The following ICA1L variants were observed in gnomAD, a reference collection of about 807,000 sequenced individuals.
ICA1L encodes islet cell autoantigen 1 like.
A neutral mutation model predicts 61.3 loss-of-function variants in ICA1L; 50 were observed. The ratio of observed to expected loss-of-function variants is 0.82; its 90% CI spans 0.65 to 1.03. ICA1L has a LOEUF of 1.03. ICA1L is among the 50% of genes least tolerant of loss of function. The pLI is 0.00. For missense variants in ICA1L, 508 were observed against 556.7 expected (o/e 0.91, Z 0.88); for synonymous variants, 161 against 191.3 (o/e 0.84, Z 1.31).
chr2:202,867,349 T>C (rs12999324), intron 1 of ICA1L, among the ~76,000 whole-genome samples: 55 of 152,300 alleles, frequency 3.6e-4, no homozygotes, highest in African/African-American at 8.2e-4. Context: ...AATGTACTTA[T>C]ACAAACCTAG....
At chr2:202,829,731 G>T (rs1472068896) in intron 1 of ICA1L, among the ~76,000 whole-genome samples, 1 of 152,134 alleles carries the variant, frequency 6.6e-6, no homozygotes, top group Admixed American at 6.5e-5. Flanking sequence ...ATTTTAGTTA[G>T]ATGACAAACG....
intron 1 of ICA1L, among the ~76,000 whole-genome samples, chr2:202,842,506 C>T (rs972821771): frequency 6.6e-6 from 1 of 152,178 alleles, no homozygotes; most frequent in Non-Finnish European, 1.5e-5. Context: ...GTAGGTTTCT[C>T]CTGAGAATCC....
intron 1 of ICA1L, among the ~76,000 whole-genome samples, chr2:202,850,120 A>G (rs1206267032): frequency 6.6e-6 from 1 of 152,192 alleles, no homozygotes; most frequent in African/African-American, 2.4e-5. Context: ...GGACCCCCAT[A>G]CAAAAACCCC....
At chr2:202,802,656 TCTAAA>T (rs1296874118) in intron 9 of ICA1L, among the ~76,000 whole-genome samples, 5 of 151,322 alleles carry the variant, frequency 3.3e-5, no homozygotes, top group Admixed American at 3.3e-4. Context: ...AAAAAAAGTA[TCTAAA>T]CTAAAGGAGG....
intron 1 of ICA1L, among the ~76,000 whole-genome samples, chr2:202,863,044 C>T (rs1694964274): frequency 6.6e-6 from 1 of 151,924 alleles, no homozygotes; most frequent in Admixed American, 6.6e-5. Context: ...GTAATCCCAA[C>T]ACTTTGGGAG....
intron 9 of ICA1L, among the ~76,000 whole-genome samples, 198 bp from the exon 10 acceptor site, chr2:202,797,162 G>GTGTGTGTGTA (rs1374435872): frequency 1.4e-5 from 2 of 146,276 alleles, no homozygotes; most frequent in East Asian, 2.1e-4. Flanking sequence ...GTGTGTGTGT[G>GTGTGTGTGTA]TATATGTATA....
At chr2:202,805,270 TTAA>T (rs1473180894) in intron 9 of ICA1L, among the ~76,000 whole-genome samples, 1 of 152,136 alleles carries the variant, frequency 6.6e-6, no homozygotes, top group Non-Finnish European at 1.5e-5. Flanking sequence ...CTAAAATTGA[TTAA>T]TGGAAATGGT....
At chr2:202,787,600 A>T (rs759110329) in intron 11 of ICA1L, among the ~76,000 whole-genome samples, 6 of 152,238 alleles carry the variant, frequency 3.9e-5, no homozygotes, top group Non-Finnish European at 7.3e-5. Flanking sequence ...AATTGAGCTA[A>T]CAACATGCTG....
chr2:202,817,072 T>A (rs929573477), intron 6 of ICA1L, among the ~76,000 whole-genome samples: 30 of 152,204 alleles, frequency 2.0e-4, no homozygotes, highest in African/African-American at 7.0e-4. Context: ...GAATCTTTGC[T>A]TCAGATGAAA....
chr2:202,857,424 T>C (rs1374204744), intron 1 of ICA1L, among the ~76,000 whole-genome samples: 1 of 152,142 alleles, frequency 6.6e-6, no homozygotes, highest in African/African-American at 2.4e-5. Flanking sequence ...GCTAACCATA[T>C]GCAGAAAACA....
At position 202,777,044 on chromosome 2, in the gene ICA1L, C is replaced by CTTTTTTTTTTTTTTTTTTT. The variant is rs562230381; in HGVS notation, c.*2470_*2488dup. 4.4e-5 allele frequency: 3 copies of CTTTTTTTTTTTTTTTTTTT among 68,586 alleles called. No homozygotes were observed. Among genetic ancestry groups the CTTTTTTTTTTTTTTTTTTT allele is most frequent in the African/African-American group, 2.0e-4 (3 of 15,268 alleles). 4.2% of individuals were successfully genotyped at this position (68,586 alleles called of 1,614,324 possible). A position where few individuals can be genotyped will look rare whatever the true frequency, so the allele number is the denominator to read the frequency against. On this transcript the variant is annotated 3_prime_UTR_variant, in exon 13 of 13. Coordinates refer to ENST00000358299, the MANE Select transcript of ICA1L (RefSeq NM_001288622.3). ...ACAAACTCTCAAGACATAAAGTTAG[C>CTTTTTTTTTTTTTTTTTTT]TTTTTTTTTTTTTTTTTTTTTTTTT...
intron 11 of ICA1L, 43 bp downstream of exon 11, chr2:202,788,787 A>C (rs781562124): frequency 8.7e-6 from 14 of 1,605,228 alleles, no homozygotes; most frequent in Non-Finnish European, 1.2e-5. Flanking sequence ...CTTCACAAAG[A>C]TAAAGTAAAG....
intron 1 of ICA1L, among the ~76,000 whole-genome samples, chr2:202,861,332 G>C (rs535073666): frequency 2.7e-5 from 4 of 147,802 alleles, no homozygotes; most frequent in Non-Finnish European, 4.4e-5. Context: ...TTGAACCTGG[G>C]AGGCAGAGGT....
intron 1 of ICA1L, among the ~76,000 whole-genome samples, chr2:202,829,385 C>A (rs961764976): frequency 1.1e-4 from 17 of 151,664 alleles, no homozygotes; most frequent in South Asian, 6.3e-4. Flanking sequence ...ACAAAAAAAC[C>A]AAAAAAAACT....
At chr2:202,811,957 A>C (rs1243711222) in intron 8 of ICA1L, among the ~76,000 whole-genome samples, 168 bp from the exon 9 acceptor site, 3 of 152,190 alleles carry the variant, frequency 2.0e-5, no homozygotes, top group African/African-American at 7.2e-5. Flanking sequence ...TACTTCTTTT[A>C]TAGATCTATA....
chr2:202,856,591 C>T (rs115396314), intron 1 of ICA1L, among the ~76,000 whole-genome samples: 13,542 of 152,198 alleles, frequency 0.089, 740 homozygotes, highest in Non-Finnish European at 0.12. Flanking sequence ...TGCTCACTCT[C>T]ATTACTCTTA....
Position 202,849,801 on chromosome 2 carries a change from G to A in ICA1L, c.-7-20785C>T, listed in dbSNP as rs1055193183. On this transcript the variant is annotated intron_variant, in intron 1 of 12. Coordinates refer to ENST00000358299, the MANE Select transcript of ICA1L (RefSeq NM_001288622.3). The surrounding 1 kb of genome is among the most constrained non-coding windows in gnomAD (Gnocchi z 4.5). ...CAGCACAGCAATTGAGCTCTGCTAG[G>A]GGACAGACAGCCTCCTCAAGTGGGT... Among the ~76,000 whole-genome samples, 1 of 152,174 alleles carries A rather than the reference G, an allele frequency of 6.6e-6. No homozygotes were observed. Among genetic ancestry groups the A allele is most frequent in the Non-Finnish European group, 1.5e-5 (1 of 68,026 alleles).
chr2:202,864,381 C>CT (rs1379868046), intron 1 of ICA1L, among the ~76,000 whole-genome samples: 5 of 152,154 alleles, frequency 3.3e-5, no homozygotes, highest in African/African-American at 1.2e-4. Flanking sequence ...GTAGCTGAGA[C>CT]TACAGGCACC....
At chr2:202,813,980 C>G (rs991419340) in intron 8 of ICA1L, among the ~76,000 whole-genome samples, 2 of 152,180 alleles carry the variant, frequency 1.3e-5, no homozygotes, top group Non-Finnish European at 2.9e-5. Flanking sequence ...ATACAAGGCT[C>G]TATCCCAAAT....
Sources: allele counts gnomAD v4.1 joint callset (sites outside exome capture counted in the v4.1 genomes callset), GRCh38; gene constraint gnomAD v4.1.1; non-coding constraint Gnocchi (gnomAD v3.1); transcripts MANE v1.5; gene names NCBI Gene and HGNC (gene_info 2026-07-23, HGNC 2026-07-21).